COL25A1: variants seen among roughly 807,000 people sequenced by gnomAD.
COL25A1 encodes the protein collagen type XXV alpha 1 chain.
A neutral mutation model predicts 128.4 loss-of-function variants in COL25A1; 103 were observed. The observed-to-expected ratio is 0.80, with a 90% confidence interval of 0.68 to 0.94. The LOEUF (loss-of-function observed/expected upper bound fraction) is 0.94. Ranked by LOEUF, COL25A1 falls within the 40% of genes least tolerant of loss-of-function variation. The pLI is 0.00. For synonymous variants in COL25A1, 279 were observed against 277.2 expected (o/e 1.01, Z -0.06); for missense variants, 745 against 840.0 (o/e 0.89, Z 1.40).
intron 25 of COL25A1, 39 bp downstream of exon 25, chr4:108,852,863 C>T (rs755427789): frequency 1.9e-6 from 3 of 1,587,194 alleles, no homozygotes; most frequent in Middle Eastern, 1.7e-4. Context: ...ACACCAAATA[C>T]AAAACCACAA....
At chr4:109,070,207 G>A (rs1219440322) in intron 3 of COL25A1, among the ~76,000 whole-genome samples, 2 of 150,684 alleles carry the variant, frequency 1.3e-5, no homozygotes, top group Admixed American at 1.3e-4. Context: ...GCAGAGAGTC[G>A]AGATCATTCC....
chr4:109,247,826 TACA>T (rs1780376236), intron 3 of COL25A1, among the ~76,000 whole-genome samples: 2 of 151,530 alleles, frequency 1.3e-5, no homozygotes, highest in Non-Finnish European at 2.9e-5. Context: ...AGAGGAAGAA[TACA>T]GAAACATAAG....
intron 37 of COL25A1, among the ~76,000 whole-genome samples, chr4:108,816,768 G>T (rs1212369854): frequency 2.0e-5 from 3 of 152,106 alleles, no homozygotes; most frequent in African/African-American, 7.2e-5. Context: ...TAAATGAAAT[G>T]ATATTCTCTA....
intron 3 of COL25A1, among the ~76,000 whole-genome samples, chr4:109,253,557 G>A (rs1301214640): frequency 1.3e-5 from 2 of 152,126 alleles, no homozygotes; most frequent in Non-Finnish European, 1.5e-5. Flanking sequence ...CACTGTAATA[G>A]ACACATCCAG....
chr4:108,883,369 T>G (rs1226397964), intron 19 of COL25A1, among the ~76,000 whole-genome samples: 1 of 151,508 alleles, frequency 6.6e-6, no homozygotes, highest in Admixed American at 6.6e-5. Context: ...CAGAGATTGA[T>G]TCAAAACTTT....
At chr4:109,174,259 T>C (rs1773859644) in intron 3 of COL25A1, among the ~76,000 whole-genome samples, 1 of 152,306 alleles carries the variant, frequency 6.6e-6, no homozygotes, top group Admixed American at 6.5e-5. Flanking sequence ...TAAAGCCCTA[T>C]TGTAAATGTT....
chr4:108,925,162 C>CA (rs1437266920), intron 11 of COL25A1, among the ~76,000 whole-genome samples: 1 of 152,064 alleles, frequency 6.6e-6, no homozygotes, highest in Admixed American at 6.6e-5. Flanking sequence ...TAAGACAAAA[C>CA]AAAATGACCA....
chr4:109,164,560 C>T (rs2126123083), intron 3 of COL25A1, among the ~76,000 whole-genome samples: 1 of 152,234 alleles, frequency 6.6e-6, no homozygotes, highest in African/African-American at 2.4e-5. Context: ...GTGTTGGTTA[C>T]TCCAACTAGT....
At chr4:108,971,906 C>T (rs1056322749) in intron 8 of COL25A1, among the ~76,000 whole-genome samples, 2 of 152,114 alleles carry the variant, frequency 1.3e-5, no homozygotes, top group Non-Finnish European at 2.9e-5. Flanking sequence ...TAGTATTAAG[C>T]ACAGTATCTT....
intron 3 of COL25A1, among the ~76,000 whole-genome samples, chr4:109,167,699 CTG>C (rs1341548282): frequency 1.3e-5 from 2 of 152,074 alleles, no homozygotes; most frequent in African/African-American, 4.8e-5. Flanking sequence ...GGGCTGAACA[CTG>C]TGTTAAGCTC....
At chr4:109,209,503 T>C (rs1436983474) in intron 3 of COL25A1, among the ~76,000 whole-genome samples, 1 of 152,176 alleles carries the variant, frequency 6.6e-6, no homozygotes, top group East Asian at 1.9e-4. Context: ...ACTCTATTTC[T>C]TTCCAGACAC....
intron 5 of COL25A1, among the ~76,000 whole-genome samples, chr4:109,013,571 T>TA (rs1249580588): frequency 2.0e-5 from 3 of 152,024 alleles, no homozygotes; most frequent in African/African-American, 7.3e-5. Context: ...TTATGAGCTG[T>TA]AACACTCACC....
chr4:109,080,285 G>A (rs897348853), intron 3 of COL25A1, among the ~76,000 whole-genome samples: 1 of 152,078 alleles, frequency 6.6e-6, no homozygotes, highest in Non-Finnish European at 1.5e-5. Flanking sequence ...TAGGAAGTCT[G>A]GCTCTAGAGT....
At chr4:109,063,247 A>C (rs897460471) in intron 3 of COL25A1, among the ~76,000 whole-genome samples, 3 of 152,230 alleles carry the variant, frequency 2.0e-5, no homozygotes, top group African/African-American at 7.2e-5. Flanking sequence ...TCATGCCTAT[A>C]ATCCCAGCAC....
At chr4:109,116,600 T>G (rs1560719590) in intron 3 of COL25A1, among the ~76,000 whole-genome samples, 1 of 151,888 alleles carries the variant, frequency 6.6e-6, no homozygotes, top group East Asian at 1.9e-4. Context: ...CATGCCCACC[T>G]CTCAAAAGTG....
chr4:108,829,695 A>G (rs1732853936), intron 32 of COL25A1, among the ~76,000 whole-genome samples: 1 of 152,172 alleles, frequency 6.6e-6, no homozygotes, highest in Non-Finnish European at 1.5e-5. Flanking sequence ...AGCTGTCACT[A>G]AAACAGCTGT....
chr4:109,198,328 A>T (rs1408262926), intron 3 of COL25A1, among the ~76,000 whole-genome samples: 2 of 151,424 alleles, frequency 1.3e-5, no homozygotes, highest in African/African-American at 4.9e-5. Context: ...ACACACACAC[A>T]CTGATATGTA....
chr4:109,036,537 G>A (rs1209402741), intron 5 of COL25A1, among the ~76,000 whole-genome samples: 2 of 152,194 alleles, frequency 1.3e-5, no homozygotes, highest in East Asian at 1.9e-4. Context: ...TTGGGTGGAT[G>A]TGGAGAGGGC....
At position 108,838,942 on chromosome 4, in the gene COL25A1, A is replaced by AT. The variant is rs1301672007; in HGVS notation, c.1656+2752dup. On this transcript the variant is annotated intron_variant, in intron 31 of 37. Coordinates refer to ENST00000399132, the MANE Select transcript of COL25A1 (RefSeq NM_198721.4). Reference sequence around the variant, plus strand: ...TTTTCCATCAGTAACGGCATGTTAGATATCAAGTTCTGACCTGTATACTTT... The same window carrying AT: ...TTTTCCATCAGTAACGGCATGTTAGATTATCAAGTTCTGACCTGTATACTTT... 3.2e-4 allele frequency among the ~76,000 whole-genome samples: 49 copies of AT among 152,198 alleles called. 1 individual carries two copies. The highest frequency in any genetic ancestry group is 4.6e-4 in the Admixed American group (7 of 15,278).
Sources: gnomAD v4.1 joint callset for allele counts (sites outside exome capture counted in the v4.1 genomes callset) on GRCh38, gnomAD v4.1.1 for gene constraint, MANE v1.5 for transcripts, NCBI Gene and HGNC (gene_info 2026-07-23, HGNC 2026-07-21) for gene names.